The following PAQR7 variants were observed in gnomAD, a reference collection of about 807,000 sequenced individuals.
The protein encoded by PAQR7 is membrane progestin receptor alpha.
PAQR7 carries 14 observed loss-of-function variants against 24.6 expected under a neutral mutation model. The ratio of observed to expected loss-of-function variants is 0.57; its 90% CI spans 0.38 to 0.89. The LOEUF (loss-of-function observed/expected upper bound fraction) is 0.89. PAQR7 is among the 40% of genes least tolerant of loss of function. The pLI is 0.00. For missense variants in PAQR7, 351 were observed against 444.0 expected, an observed-to-expected ratio of 0.79 and a Z score of 1.88; for synonymous variants, 189 against 198.8, an observed-to-expected ratio of 0.95 and a Z score of 0.42.
At chr1:25,872,199 GGTGTTGGCTCTGGCACA>G (rs2048611459) in intron 1 of PAQR7, among the ~76,000 whole-genome samples, 1 of 152,216 alleles carries the variant, frequency 6.6e-6, no homozygotes, top group African/African-American at 2.4e-5. Flanking sequence ...ATGGATGCCA[GGTGTTGGCTCTGGCACA>G]GTGCTGGCTC....
intron 2 of PAQR7, among the ~76,000 whole-genome samples, chr1:25,866,428 C>T (rs2048557674): frequency 6.6e-6 from 1 of 152,196 alleles, no homozygotes; most frequent in Admixed American, 6.5e-5. Flanking sequence ...ACTTACTGAG[C>T]CCTTCTTTGC....
chr1:25,864,429 C>T lies in PAQR7; in HGVS notation c.-22-568G>A, dbSNP rs147131552. On this transcript the variant is annotated intron_variant, in intron 2 of 2. Coordinates refer to ENST00000675840, the MANE Select transcript of PAQR7 (RefSeq NM_178422.6). ...AGTCTTGTTGCACAACCACAGTGCACTTCAAATCCAGACACAGCCCCACCA... is the reference window on the plus strand; with the variant it reads ...AGTCTTGTTGCACAACCACAGTGCATTTCAAATCCAGACACAGCCCCACCA... Among the ~76,000 whole-genome samples, 364 of 152,304 alleles carry T rather than the reference C, an allele frequency of 2.4e-3. 1 individual carries two copies. Among genetic ancestry groups the T allele is most frequent in the African/African-American group, 7.6e-3 (315 of 41,568 alleles).
chr1:25,872,567 G>A (rs1211266098), intron 1 of PAQR7, among the ~76,000 whole-genome samples: 1 of 148,198 alleles, frequency 6.7e-6, no homozygotes, highest in Non-Finnish European at 1.5e-5. Flanking sequence ...CCAGGCTGGA[G>A]TGCAGTGGTG....
Position 25,863,582 on chromosome 1 carries a change from C to T in PAQR7, c.258G>A (p.Leu86=). The T allele has an allele frequency of 6.2e-7, 1 of 1,614,248 alleles. No homozygotes were observed. The change falls in exon 3 of 3, where the codon CTG becomes CTA. Residue 86 remains leucine, a synonymous_variant. Transcript: ENST00000675840. This position sits in a 1 kb window ranked among gnomAD's most constrained non-coding sequence, Gnocchi z 6.1. ...TCTCCACAAAGAGGGCCAGCCGCAG[C>T]AGCAGTACCAGGGCCGCCAGCAGGT... is the stretch of plus-strand genomic sequence containing the variant. ...WTHLLAALVL[L]LRLALFVETV...
intron 2 of PAQR7, among the ~76,000 whole-genome samples, chr1:25,864,874 C>T (rs973052150): frequency 5.9e-5 from 9 of 151,962 alleles, no homozygotes; most frequent in African/African-American, 1.7e-4. Context: ...AAACAAACAG[C>T]GGCCAGGTGC....
In PAQR7 at chr1:25,862,981, G is replaced by A; in HGVS notation, c.859C>T (p.Leu287=). 1.9e-6 allele frequency: 3 copies of A among 1,614,192 alleles called. No homozygotes were observed. The highest frequency in any genetic ancestry group is 2.5e-6 in the Non-Finnish European group (3 of 1,180,050). ...AGTGCCACAGCCTCCAGCTGAGCCA[G>A]CGTGCACAGCACCAAGAAGATGTGG... ...LFHIFLVLCT[L]AQLEAVALDY... The change falls in exon 3 of 3, where the codon CTG becomes TTG. Residue 287 remains leucine, a synonymous_variant. Transcript: ENST00000675840.
rs371961113 is a variant in PAQR7 at position 25,863,169 on chromosome 1, C to T, written c.671G>A (p.Arg224His). 1.9e-5 allele frequency: 31 copies of T among 1,614,086 alleles called. No individual in the cohort carries two copies. The highest frequency in any genetic ancestry group is 1.9e-4 in the South Asian group (17 of 91,084). Residue 224 changes from arginine (R) to histidine (H), a missense_variant, in exon 3 of 3, where the codon CGT becomes CAT. Arg to His is a conservative substitution (Grantham distance 29, BLOSUM62 0). Transcript: ENST00000675840. This position sits in a 1 kb window ranked among gnomAD's most constrained non-coding sequence, Gnocchi z 6.1. ...GGTGGGGTCGGAGGACACGAAGATA[C>T]GATGCACCACAGGACTAATGTCCAG... Reference protein sequence around the residue: ...YALDISPVVHRIFVSSDPTTD... With the variant: ...YALDISPVVHHIFVSSDPTTD...
In PAQR7 at chr1:25,863,346, G is replaced by A. The variant is rs2048528013; in HGVS notation, c.494C>T (p.Ala165Val). 9.3e-6 allele frequency: 15 copies of A among 1,614,230 alleles called. No homozygotes were observed. The highest frequency in any genetic ancestry group is 1.3e-5 in the Non-Finnish European group (15 of 1,180,046). ...AACAGCCTGCACCTGGGCATGCCAG[G>A]CGGGCTCGATAGCATAGTAGAAGTG... Reference protein sequence around the residue: ...LAHFYYAIEPAWHAQVQAVFL... With the variant: ...LAHFYYAIEPVWHAQVQAVFL... The change falls in exon 3 of 3, where the codon GCC (alanine) becomes GTC (valine). Residue 165 changes from alanine (A) to valine (V), a missense_variant. By Grantham distance (64) the Ala-to-Val change is moderately conservative. Transcript: ENST00000675840. This position sits in a 1 kb window ranked among gnomAD's most constrained non-coding sequence, Gnocchi z 6.1.
At chr1:25,867,613 A>G (rs1434751230) in intron 2 of PAQR7, among the ~76,000 whole-genome samples, 1 of 152,230 alleles carries the variant, frequency 6.6e-6, no homozygotes. Flanking sequence ...AGGAAAAGAG[A>G]TTCAGGCAGG....
chr1:25,873,775 T>A (rs2048623773), intron 1 of PAQR7, among the ~76,000 whole-genome samples: 1 of 152,296 alleles, frequency 6.6e-6, no homozygotes, highest in Admixed American at 6.5e-5. Flanking sequence ...CTCACTATGT[T>A]GCCCAGGCTG....
At chr1:25,864,280 C>A (rs112385001) in intron 2 of PAQR7, among the ~76,000 whole-genome samples, 1 of 152,160 alleles carries the variant, frequency 6.6e-6, no homozygotes, top group African/African-American at 2.4e-5. Flanking sequence ...TAGTGTTCAA[C>A]TGGTGGCAAT....
intron 2 of PAQR7, among the ~76,000 whole-genome samples, chr1:25,866,928 A>G (rs2048561883): frequency 6.6e-6 from 1 of 152,104 alleles, no homozygotes; most frequent in Admixed American, 6.6e-5. Flanking sequence ...ACAGGGTTTC[A>G]CCACATTGGC....
At chr1:25,867,605 GAA>G (rs769448320) in intron 2 of PAQR7, among the ~76,000 whole-genome samples, 2 of 152,220 alleles carry the variant, frequency 1.3e-5, no homozygotes, top group Non-Finnish European at 2.9e-5. Context: ...ACCAGACAAG[GAA>G]AAGAGATTCA....
At chr1:25,872,820 A>G (rs2048616298) in intron 1 of PAQR7, among the ~76,000 whole-genome samples, 2 of 152,240 alleles carry the variant, frequency 1.3e-5, no homozygotes, top group Admixed American at 6.5e-5. Context: ...CAACACCTCA[A>G]TATATTAATA....
chr1:25,864,712 G>A (rs1430438184), intron 2 of PAQR7, among the ~76,000 whole-genome samples: 1 of 152,084 alleles, frequency 6.6e-6, no homozygotes, highest in Non-Finnish European at 1.5e-5. Flanking sequence ...TTAGCCAGGT[G>A]TGGTGGCATG....
chr1:25,862,898 G>A lies in PAQR7; in HGVS notation c.942C>T (p.Asn314=). 1 of 1,614,192 alleles carries A rather than the reference G, an allele frequency of 6.2e-7. No individual in the cohort carries two copies. Among genetic ancestry groups the A allele is most frequent in the Non-Finnish European group, 8.5e-7 (1 of 1,180,026 alleles). ...CCGTGAGCAGGAAGAGGCCAGAAAA[G>A]TTGTGAGGCCAGTGCGTGTGCAGAG... ...YEPLHTHWPH[N]FSGLFLLTVG... The change falls in exon 3 of 3, where the codon AAC becomes AAT. Residue 314 remains asparagine (N), a synonymous_variant. Coordinates refer to ENST00000675840, the MANE Select transcript of PAQR7 (RefSeq NM_178422.6).
chr1:25,868,502 A>G (rs2048576160), intron 2 of PAQR7, among the ~76,000 whole-genome samples: 1 of 151,798 alleles, frequency 6.6e-6, no homozygotes, highest in Admixed American at 6.6e-5. Context: ...TGCAATCAGG[A>G]GTTCGAAACC....
At position 25,862,873 on chromosome 1, in the gene PAQR7, C is replaced by T. The variant is rs766867529; in HGVS notation, c.967G>A (p.Val323Met). 2 of 1,614,212 alleles carry T rather than the reference C, an allele frequency of 1.2e-6. No individual in the cohort carries two copies. Among genetic ancestry groups the T allele is most frequent in the Admixed American group, 1.7e-5 (1 of 60,032 alleles). ...HNFSGLFLLT[V>M]GSSILTAFLL... ...AATGCAGTGAGGATGCTGCTGCCCA[C>T]CGTGAGCAGGAAGAGGCCAGAAAAG... Residue 323 changes from valine to methionine, a missense_variant, in exon 3 of 3, where the codon GTG (valine) becomes ATG (methionine). Val to Met is a conservative substitution (Grantham distance 21). Coordinates refer to ENST00000675840, the MANE Select transcript of PAQR7 (RefSeq NM_178422.6).
chr1:25,872,509 A>ATTTTTTTTT (rs55654329), intron 1 of PAQR7, among the ~76,000 whole-genome samples: 1 of 108,916 alleles, frequency 9.2e-6, no homozygotes, highest in Non-Finnish European at 1.8e-5. Context: ...ACACCACAGG[A>ATTTTTTTTT]TTTTTTTTTT....
Sources: allele counts gnomAD v4.1 joint callset (sites outside exome capture counted in the v4.1 genomes callset), GRCh38; gene constraint gnomAD v4.1.1; non-coding constraint Gnocchi (gnomAD v3.1); transcripts MANE v1.5; gene names NCBI Gene and HGNC (gene_info 2026-07-23, HGNC 2026-07-21).